Variants in ACACA observed in about 807,000 individuals in gnomAD.
The protein encoded by ACACA is acetyl-CoA carboxylase alpha, also known as acetyl-CoA carboxylase 1.
In ACACA, 103 loss-of-function variants were observed where a neutral mutation model predicts 296.1. That is an observed-to-expected ratio of 0.35 (90% CI 0.30 to 0.41). ACACA has a LOEUF of 0.41. Ranked by LOEUF, ACACA falls within the 10% of genes least tolerant of loss-of-function variation. ACACA has a pLI of 1.00. For missense variants in ACACA, 1,554 were observed against 2,989.7 expected (o/e 0.52, Z 11.20); for synonymous variants, 953 against 1,038.6 (o/e 0.92, Z 1.58).
At chr17:37,244,080 C>T (rs1236749421) in intron 21 of ACACA, among the ~76,000 whole-genome samples, 1 of 151,796 alleles carries the variant, frequency 6.6e-6, no homozygotes, top group Non-Finnish European at 1.5e-5. Flanking sequence ...GGACTAATCA[C>T]GGGCGGGCAC....
chr17:37,171,082 T>C (rs1374201319), intron 41 of ACACA, among the ~76,000 whole-genome samples: 1 of 152,196 alleles, frequency 6.6e-6, no homozygotes, highest in African/African-American at 2.4e-5. Flanking sequence ...CAGATTTAAA[T>C]ACAGGTTAGG....
intron 1 of ACACA, among the ~76,000 whole-genome samples, chr17:37,405,152 G>C (rs747624634): frequency 2.6e-5 from 4 of 152,140 alleles, no homozygotes; most frequent in Non-Finnish European, 4.4e-5. Flanking sequence ...TAAATGATCA[G>C]ATATTTATGT....
chr17:37,365,846 AT>A (rs940467719), intron 1 of ACACA: 3 of 517,418 alleles, frequency 5.8e-6, no homozygotes, highest in Non-Finnish European at 7.5e-6. Context: ...TTCACATGGC[AT>A]TTCTGCTCTC....
At chr17:37,234,343 A>G (rs1382900476) in intron 25 of ACACA, among the ~76,000 whole-genome samples, 1 of 152,088 alleles carries the variant, frequency 6.6e-6, no homozygotes, top group African/African-American at 2.4e-5. Context: ...CAAAAATTCC[A>G]CCCACTGGCT....
At chr17:37,151,188 T>G in intron 44 of ACACA, 113 bp downstream of exon 44, 5 of 1,216,576 alleles carry the variant, frequency 4.1e-6, no homozygotes, top group Non-Finnish European at 5.9e-6. Flanking sequence ...ATTATAGACA[T>G]ACAATCTTCA....
At chr17:37,095,205 AT>A (rs1369131391) in intron 54 of ACACA, among the ~76,000 whole-genome samples, 2 of 152,076 alleles carry the variant, frequency 1.3e-5, no homozygotes, top group East Asian at 3.9e-4. Flanking sequence ...CACACACTCC[AT>A]TTACCTAGCC....
chr17:37,390,454 C>T (rs1159579117), intron 1 of ACACA, among the ~76,000 whole-genome samples: 7 of 144,824 alleles, frequency 4.8e-5, no homozygotes, highest in African/African-American at 1.8e-4. Flanking sequence ...TGGTGAAACC[C>T]TGTCTCTACT....
At position 37,199,424 on chromosome 17, in the gene ACACA, C is replaced by T. The variant is rs185541143; in HGVS notation, c.4158+715G>A. Among the ~76,000 whole-genome samples, 110 of 152,180 alleles carry T rather than the reference C, an allele frequency of 7.2e-4. 1 individual carries two copies. Among genetic ancestry groups the T allele is most frequent in the Non-Finnish European group, 1.3e-3 (87 of 68,006 alleles). ...TGTCACTGTACTGGGTATGATCATA[C>T]GGGTATACCATAGTTTGGATGCCAG... is the stretch of plus-strand genomic sequence containing the variant. On this transcript the variant is annotated intron_variant, in intron 35 of 55. Transcript: ENST00000616317.
intron 1 of ACACA, chr17:37,379,497 T>C: frequency 7.6e-7 from 1 of 1,324,226 alleles, no homozygotes; most frequent in Non-Finnish European, 1.0e-6. Flanking sequence ...CACTTTTTGA[T>C]GGGGTTGTTT....
At chr17:37,322,280 G>T (rs1221122719) in intron 3 of ACACA, among the ~76,000 whole-genome samples, 1 of 152,132 alleles carries the variant, frequency 6.6e-6, no homozygotes, top group Non-Finnish European at 1.5e-5. Flanking sequence ...TCTTACGCTG[G>T]TTTTAGGTAT....
At chr17:37,368,239 T>G (rs1024603334) in intron 1 of ACACA, among the ~76,000 whole-genome samples, 2 of 152,184 alleles carry the variant, frequency 1.3e-5, no homozygotes, top group Non-Finnish European at 2.9e-5. Flanking sequence ...ACCACTGCAC[T>G]CCAGCCTGGG....
At chr17:37,157,359 G>A (rs1176612279) in intron 42 of ACACA, among the ~76,000 whole-genome samples, 1 of 152,112 alleles carries the variant, frequency 6.6e-6, no homozygotes, top group Non-Finnish European at 1.5e-5. Context: ...GGTCAGGGGA[G>A]GCTGTAGCAA....
intron 29 of ACACA, among the ~76,000 whole-genome samples, chr17:37,219,837 C>G (rs1345100514): frequency 1.3e-5 from 2 of 151,466 alleles, no homozygotes. Context: ...CAAACCTGAT[C>G]ATTTGATCCT....
At chr17:37,181,468 G>A (rs2077314342) in intron 39 of ACACA, 112 bp from the exon 40 acceptor site, 2 of 1,200,914 alleles carry the variant, frequency 1.7e-6, no homozygotes, top group African/African-American at 1.5e-5. Flanking sequence ...TTTTTGGTAG[G>A]TTGAGTAGCT....
At chr17:37,130,250 T>C (rs758709436) in intron 45 of ACACA, 32 bp from the exon 46 acceptor site, 1 of 1,613,516 alleles carries the variant, frequency 6.2e-7, no homozygotes, top group South Asian at 1.1e-5. Flanking sequence ...AAGACATTTG[T>C]CTCTATAGAA....
chr17:37,174,014 A>ATTTTTTT (rs1184132097), intron 41 of ACACA, among the ~76,000 whole-genome samples: 2 of 14,004 alleles, frequency 1.4e-4, no homozygotes, highest in African/African-American at 3.1e-4. Flanking sequence ...ATATATATAT[A>ATTTTTTT]TATATATTTT....
chr17:37,377,911 C>T (rs761638796), intron 1 of ACACA: 1 of 1,613,662 alleles, frequency 6.2e-7, no homozygotes, highest in Admixed American at 1.7e-5. Context: ...ACTGGAACAG[C>T]TGCCTGGGAT....
In ACACA at chr17:37,406,831, G is replaced by GGCGGCGGGCGCGCGGCAC. The variant is rs1484836013; in HGVS notation, c.-533_-532insGTGCCGCGCGCCCGCCGC. On this transcript the variant is annotated 5_prime_UTR_variant, in exon 1 of 56. Transcript: ENST00000616317. ...GGGGCCTCCACGGCCGAGGGGCGGA[G>GGCGGCGGGCGCGCGGCAC]GCGGCGGGCGCGCGGCACGCGGCGC... is the stretch of plus-strand genomic sequence containing the variant. 6.8e-6 allele frequency: 1 copy of GGCGGCGGGCGCGCGGCAC among 147,662 alleles called. No individual in the cohort carries two copies. Among genetic ancestry groups the GGCGGCGGGCGCGCGGCAC allele is most frequent in the African/African-American group, 2.4e-5 (1 of 40,870 alleles). 9.1% of individuals were successfully genotyped at this position (147,662 alleles called of 1,614,324 possible).
intron 3 of ACACA, among the ~76,000 whole-genome samples, chr17:37,314,989 G>A (rs1317074717): frequency 2.8e-5 from 3 of 108,800 alleles, no homozygotes; most frequent in East Asian, 2.6e-4. Flanking sequence ...ATGGAGTTTC[G>A]CTCTTGTTGC....
Sources: allele counts gnomAD v4.1 joint callset (sites outside exome capture counted in the v4.1 genomes callset), GRCh38; gene constraint gnomAD v4.1.1; transcripts MANE v1.5; gene names NCBI Gene and HGNC (gene_info 2026-07-23, HGNC 2026-07-21).